Variants in ZDHHC14 observed in about 807,000 individuals in gnomAD.
The protein encoded by ZDHHC14 is palmitoyltransferase ZDHHC14.
ZDHHC14 carries 16 observed loss-of-function variants against 47.7 expected under a neutral mutation model. The observed-to-expected ratio is 0.34, with a 90% CI of 0.23 to 0.51. ZDHHC14 has a LOEUF of 0.51. Among genes scored for constraint, ZDHHC14 ranks in the 20% least tolerant of loss-of-function variants. ZDHHC14 has a pLI of 0.97. For missense variants in ZDHHC14, 515 were observed against 662.5 expected, an observed-to-expected ratio of 0.78 and a Z score of 2.44; for synonymous variants, 293 against 278.9, an observed-to-expected ratio of 1.05 and a Z score of -0.50.
intron 3 of ZDHHC14, among the ~76,000 whole-genome samples, chr6:157,627,535 A>G (rs1785486766): frequency 6.6e-6 from 1 of 152,250 alleles, no homozygotes; most frequent in African/African-American, 2.4e-5. Context: ...TTGTGTGCAG[A>G]TGTCCAGGTG....
intron 1 of ZDHHC14, among the ~76,000 whole-genome samples, chr6:157,514,045 C>A (rs1323176300): frequency 1.3e-5 from 2 of 152,180 alleles, no homozygotes; most frequent in African/African-American, 4.8e-5. Context: ...TCCCTCCTGC[C>A]AGTCTTCCTG....
chr6:157,669,219 G>T (rs889263299), intron 8 of ZDHHC14, among the ~76,000 whole-genome samples: 1 of 152,136 alleles, frequency 6.6e-6, no homozygotes, highest in African/African-American at 2.4e-5. Context: ...GGTTCTCGTG[G>T]GTGTGCAGGA....
intron 1 of ZDHHC14, among the ~76,000 whole-genome samples, chr6:157,394,093 C>G (rs557471622): frequency 2.0e-5 from 3 of 152,308 alleles, no homozygotes; most frequent in Admixed American, 2.0e-4. Flanking sequence ...GGCCCCACCA[C>G]TCTCAGGAAA....
At chr6:157,485,249 G>A (rs1779749673) in intron 1 of ZDHHC14, among the ~76,000 whole-genome samples, 6 of 152,296 alleles carry the variant, frequency 3.9e-5, no homozygotes, top group African/African-American at 1.2e-4. Flanking sequence ...GGGTGCCTGT[G>A]GTGCCCTGTA....
At chr6:157,439,631 C>A (rs1480400895) in intron 1 of ZDHHC14, among the ~76,000 whole-genome samples, 9 of 152,110 alleles carry the variant, frequency 5.9e-5, no homozygotes, top group Non-Finnish European at 4.4e-5. Flanking sequence ...GCCAGAAATA[C>A]CATTTGACCC....
chr6:157,525,501 C>G (rs1250724248), intron 1 of ZDHHC14, among the ~76,000 whole-genome samples: 1 of 152,170 alleles, frequency 6.6e-6, no homozygotes, highest in Admixed American at 6.5e-5. Flanking sequence ...AGCTGGCTTC[C>G]CTCCGAGAGG....
chr6:157,430,666 G>C (rs1048821659), intron 1 of ZDHHC14, among the ~76,000 whole-genome samples: 1 of 152,236 alleles, frequency 6.6e-6, no homozygotes, highest in African/African-American at 2.4e-5. Flanking sequence ...CTGATGAGCA[G>C]TCTTGCTTCC....
chr6:157,476,029 C>T (rs939450314), intron 1 of ZDHHC14, among the ~76,000 whole-genome samples: 3 of 151,952 alleles, frequency 2.0e-5, no homozygotes, highest in African/African-American at 7.2e-5. Context: ...AACAACTTAA[C>T]ATTAACCTCA....
intron 3 of ZDHHC14, among the ~76,000 whole-genome samples, chr6:157,620,746 GTGTC>G (rs1785156716): frequency 6.6e-6 from 1 of 152,218 alleles, no homozygotes; most frequent in African/African-American, 2.4e-5. Flanking sequence ...ATCAGCCTGA[GTGTC>G]TGCTCCAGCA....
At chr6:157,537,549 CT>C (rs1349918949) in intron 1 of ZDHHC14, among the ~76,000 whole-genome samples, 6 of 152,326 alleles carry the variant, frequency 3.9e-5, no homozygotes, top group Admixed American at 6.5e-5. Context: ...ATTTTTCCCC[CT>C]GTCACTTTCC....
intron 8 of ZDHHC14, among the ~76,000 whole-genome samples, chr6:157,667,041 A>G (rs980187778): frequency 1.3e-4 from 20 of 152,218 alleles, no homozygotes; most frequent in African/African-American, 4.8e-4. Context: ...AGAAATCAAA[A>G]TTCTATTCTA....
chr6:157,600,650 C>T (rs753013989), intron 3 of ZDHHC14, among the ~76,000 whole-genome samples: 2 of 152,170 alleles, frequency 1.3e-5, no homozygotes, highest in African/African-American at 2.4e-5. Context: ...AAGTGATTGG[C>T]CCACCTTGAC....
intron 1 of ZDHHC14, among the ~76,000 whole-genome samples, chr6:157,515,601 T>G (rs1296859834): frequency 2.0e-5 from 3 of 151,912 alleles, no homozygotes; most frequent in African/African-American, 7.3e-5. Context: ...GTAGCTGGGA[T>G]TACAGGCTCC....
chr6:157,649,555 G>A (rs961555682), intron 7 of ZDHHC14, among the ~76,000 whole-genome samples: 6 of 152,216 alleles, frequency 3.9e-5, no homozygotes, highest in Non-Finnish European at 5.9e-5. Context: ...ATCCCGGCCA[G>A]GCCTACCCAC....
intron 1 of ZDHHC14, among the ~76,000 whole-genome samples, chr6:157,517,530 C>T (rs1016834203): frequency 6.6e-6 from 1 of 152,142 alleles, no homozygotes; most frequent in African/African-American, 2.4e-5. Flanking sequence ...AGGTTGATCT[C>T]GAACTCCTGA....
chr6:157,645,653 C>A, intron 5 of ZDHHC14, 84 bp from the exon 6 acceptor site: 1 of 1,053,188 alleles, frequency 9.5e-7, no homozygotes, highest in South Asian at 1.4e-5. Flanking sequence ...GGCCTGTGCC[C>A]GGGGGTGTTT....
At chr6:157,388,557 G>T (rs1777363057) in intron 1 of ZDHHC14, among the ~76,000 whole-genome samples, 1 of 152,178 alleles carries the variant, frequency 6.6e-6, no homozygotes, top group South Asian at 2.1e-4. Flanking sequence ...TACTTAATTA[G>T]TTACATCCAG....
At chr6:157,594,009 G>A (rs1245306503) in intron 3 of ZDHHC14, among the ~76,000 whole-genome samples, 2 of 152,222 alleles carry the variant, frequency 1.3e-5, no homozygotes, top group Non-Finnish European at 2.9e-5. Flanking sequence ...GTATTCCTGG[G>A]AGAATAAGCA....
chr6:157,646,972 A>C (rs1218013497), intron 6 of ZDHHC14, among the ~76,000 whole-genome samples: 3 of 152,170 alleles, frequency 2.0e-5, no homozygotes, highest in African/African-American at 7.2e-5. Flanking sequence ...ACTAAATGTG[A>C]GTATGAAAAA....
Sources: allele counts gnomAD v4.1 joint callset (sites outside exome capture counted in the v4.1 genomes callset), GRCh38; gene constraint gnomAD v4.1.1; transcripts MANE v1.5; gene names NCBI Gene and HGNC (gene_info 2026-07-23, HGNC 2026-07-21).